The following HECW1 variants were observed in gnomAD, a reference collection of about 807,000 sequenced individuals.
The protein encoded by HECW1 is E3 ubiquitin-protein ligase HECW1.
A neutral mutation model predicts 182.3 loss-of-function variants in HECW1; 61 were observed. The ratio of observed to expected loss-of-function variants is 0.33; its 90% CI spans 0.27 to 0.41. The LOEUF is 0.41. Ranked by LOEUF, HECW1 falls within the 10% of genes least tolerant of loss-of-function variation. HECW1 has a pLI of 1.00. For missense variants in HECW1, 1,739 were observed against 2,108.9 expected (o/e 0.82, Z 3.44); for synonymous variants, 859 against 832.6 (o/e 1.03, Z -0.55).
At chr7:43,474,152 T>C (rs1007816830) in intron 16 of HECW1, among the ~76,000 whole-genome samples, 11 of 152,174 alleles carry the variant, frequency 7.2e-5, no homozygotes, top group Non-Finnish European at 1.2e-4. Context: ...GGAGTTTCAA[T>C]CATAATCCTT....
intron 3 of HECW1, among the ~76,000 whole-genome samples, chr7:43,294,316 A>C (rs1020495965): frequency 6.6e-6 from 1 of 152,192 alleles, no homozygotes; most frequent in African/African-American, 2.4e-5. Context: ...TGACCACAAC[A>C]GGGAAGATCT....
intron 17 of HECW1, among the ~76,000 whole-genome samples, chr7:43,480,636 T>G (rs1400538062): frequency 6.6e-6 from 1 of 151,328 alleles, no homozygotes; most frequent in Admixed American, 6.6e-5. Context: ...TGTGTGTGTG[T>G]GTACATATGT....
chr7:43,372,763 TA>T (rs1298412739), intron 6 of HECW1, among the ~76,000 whole-genome samples: 1 of 152,142 alleles, frequency 6.6e-6, no homozygotes, highest in Admixed American at 6.6e-5. Flanking sequence ...TGGCTTTATC[TA>T]GATGCTCAAA....
intron 2 of HECW1, among the ~76,000 whole-genome samples, chr7:43,116,313 A>G (rs1785044963): frequency 6.6e-6 from 1 of 152,186 alleles, no homozygotes; most frequent in Non-Finnish European, 1.5e-5. Context: ...CTGGCCTTAG[A>G]AGGAAACATG....
At chr7:43,173,607 G>T (rs913704869) in intron 2 of HECW1, among the ~76,000 whole-genome samples, 2 of 152,074 alleles carry the variant, frequency 1.3e-5, no homozygotes, top group Non-Finnish European at 2.9e-5. Flanking sequence ...CCTCTCATGC[G>T]CAGTTCACAG....
intron 2 of HECW1, among the ~76,000 whole-genome samples, chr7:43,130,795 C>T (rs922617783): frequency 2.0e-5 from 3 of 152,072 alleles, no homozygotes; most frequent in African/African-American, 4.8e-5. Flanking sequence ...GGCATTATGT[C>T]GGCATTTAAA....
intron 6 of HECW1, among the ~76,000 whole-genome samples, chr7:43,365,052 C>T (rs1219549532): frequency 6.6e-6 from 1 of 152,224 alleles, no homozygotes; most frequent in Non-Finnish European, 1.5e-5. Context: ...CCAGGCTGCC[C>T]TGCTGGGTCT....
rs1308449217 is a variant in HECW1 at position 43,268,688 on chromosome 7, GCT to G, written c.27+24757_27+24758del. The stretch of plus-strand genomic sequence containing the variant: ...ATCCACATTTCTAACTGTCCACTGG[GCT>G]TTTCCACTTCATGTGCCTCAGGCAT... On this transcript the variant is annotated intron_variant, in intron 3 of 29. Coordinates refer to ENST00000395891, the MANE Select transcript of HECW1 (RefSeq NM_015052.5). Among the ~76,000 whole-genome samples the G allele has an allele frequency of 3.2e-4, 49 of 152,208 alleles. 1 individual carries two copies.
Position 43,425,813 on chromosome 7 carries a change from C to A in HECW1, c.802-12190C>A, listed in dbSNP as rs1002058640. 3.3e-5 allele frequency among the ~76,000 whole-genome samples: 5 copies of A among 152,216 alleles called. No homozygotes were observed. The East Asian group carries it at 7.7e-4, about 23-fold the overall frequency. On this transcript the variant is annotated intron_variant, in intron 8 of 29. Coordinates refer to ENST00000395891, the MANE Select transcript of HECW1 (RefSeq NM_015052.5). Reference sequence around the variant, plus strand: ...ATTTATGAGGGCAGAGCCTTCATGACCTAATCACCTCTCAAAGGCCCCACC... The same window carrying A: ...ATTTATGAGGGCAGAGCCTTCATGAACTAATCACCTCTCAAAGGCCCCACC...
intron 26 of HECW1, 133 bp from the exon 27 acceptor site, chr7:43,550,312 C>G: frequency 1.1e-6 from 1 of 952,166 alleles, no homozygotes; most frequent in Non-Finnish European, 1.6e-6. Flanking sequence ...GGAAAAAAGA[C>G]TCCAGGGATA....
chr7:43,275,063 A>G (rs1374121178), intron 3 of HECW1, among the ~76,000 whole-genome samples: 1 of 151,758 alleles, frequency 6.6e-6, no homozygotes, highest in Non-Finnish European at 1.5e-5. Context: ...GGGTCCTCAG[A>G]GAATAACAGA....
chr7:43,125,757 TAAAAAAAAAAA>T (rs57874835), intron 2 of HECW1, among the ~76,000 whole-genome samples: 38 of 86,544 alleles, frequency 4.4e-4, no homozygotes, highest in East Asian at 1.9e-3. Context: ...GATTCTGTCT[TAAAAAAAAAAA>T]AAAAAAAAAA....
chr7:43,396,132 A>G (rs1046544293), intron 6 of HECW1, among the ~76,000 whole-genome samples: 28 of 152,232 alleles, frequency 1.8e-4, no homozygotes, highest in Non-Finnish European at 7.3e-5. Context: ...ACCTTCCTAG[A>G]AGAGAATGGA....
intron 6 of HECW1, among the ~76,000 whole-genome samples, chr7:43,376,397 G>A (rs1200331566): frequency 6.6e-6 from 1 of 152,138 alleles, no homozygotes; most frequent in Non-Finnish European, 1.5e-5. Flanking sequence ...TGGGATGGGG[G>A]TAGCCAGCCA....
At chr7:43,128,971 T>G (rs142843830) in intron 2 of HECW1, among the ~76,000 whole-genome samples, 2 of 152,344 alleles carry the variant, frequency 1.3e-5, no homozygotes, top group African/African-American at 4.8e-5. Context: ...AATATCATGA[T>G]AAAATTTTAA....
intron 24 of HECW1, among the ~76,000 whole-genome samples, chr7:43,521,985 TG>T (rs1004105087): frequency 1.1e-4 from 16 of 152,216 alleles, no homozygotes; most frequent in African/African-American, 3.6e-4. Context: ...TTGAAGGGAG[TG>T]GCCTAGTCCC....
intron 24 of HECW1, among the ~76,000 whole-genome samples, chr7:43,517,814 A>G (rs898954199): frequency 7.2e-5 from 11 of 152,264 alleles, no homozygotes; most frequent in Non-Finnish European, 1.6e-4. Flanking sequence ...TAGCCTCCCT[A>G]TCAATTCTCA....
At chr7:43,383,246 T>C (rs993944895) in intron 6 of HECW1, among the ~76,000 whole-genome samples, 2 of 152,326 alleles carry the variant, frequency 1.3e-5, no homozygotes, top group East Asian at 3.9e-4. Context: ...TAAACATATG[T>C]GTGCATGTGT....
intron 12 of HECW1, among the ~76,000 whole-genome samples, chr7:43,451,373 C>G (rs1033601371): frequency 6.6e-6 from 1 of 152,216 alleles, no homozygotes; most frequent in Non-Finnish European, 1.5e-5. Context: ...GGCACATGAA[C>G]TTGTACTTTC....
Sources: allele counts gnomAD v4.1 joint callset (sites outside exome capture counted in the v4.1 genomes callset), GRCh38; gene constraint gnomAD v4.1.1; transcripts MANE v1.5; gene names NCBI Gene and HGNC (gene_info 2026-07-23, HGNC 2026-07-21).